WWP2: variants seen among roughly 807,000 people sequenced by gnomAD.
The protein encoded by WWP2 is WW domain containing E3 ubiquitin protein ligase 2.
In WWP2, 57 loss-of-function variants were observed where a neutral mutation model predicts 121.0. That is an observed-to-expected ratio of 0.47 (90% CI 0.38 to 0.59). WWP2 has a LOEUF of 0.59. Ranked by LOEUF, WWP2 falls within the 20% of genes least tolerant of loss-of-function variation. The pLI, the probability that WWP2 is intolerant of heterozygous loss-of-function variation, is 0.00. For synonymous variants in WWP2, 449 were observed against 441.3 expected, an observed-to-expected ratio of 1.02 and a Z score of -0.22; for missense variants, 962 against 1,158.9, an observed-to-expected ratio of 0.83 and a Z score of 2.47.
At position 69,941,517 on chromosome 16, in the gene WWP2, C is replaced by T. The variant is rs1238250458; in HGVS notation, c.*1577C>T. The T allele has an allele frequency of 1.3e-5, 2 of 153,908 alleles. No individual in the cohort carries two copies. Among genetic ancestry groups the T allele is most frequent in the Admixed American group, 6.5e-5 (1 of 15,286 alleles). The allele number at this position is 153,908 out of a possible 1,614,324, so 9.5% of individuals were successfully genotyped here. On this transcript the variant is annotated 3_prime_UTR_variant, in exon 24 of 24. Coordinates refer to ENST00000359154, the MANE Select transcript of WWP2 (RefSeq NM_001270454.2). ...CCCTGTGGCACGTTACCATGGAAGCCGCTCCAGGGTGGGTCAGGGTGCAAG... is the reference window on the plus strand; with the variant it reads ...CCCTGTGGCACGTTACCATGGAAGCTGCTCCAGGGTGGGTCAGGGTGCAAG...
intron 10 of WWP2, among the ~76,000 whole-genome samples, chr16:69,921,410 C>T (rs1323579886): frequency 6.6e-6 from 1 of 152,220 alleles, no homozygotes; most frequent in African/African-American, 2.4e-5. Flanking sequence ...CCTTGTTCTT[C>T]TTTGCTGCAC....
At chr16:69,911,529 A>C (rs948669997) in intron 9 of WWP2, among the ~76,000 whole-genome samples, 1 of 152,138 alleles carries the variant, frequency 6.6e-6, no homozygotes, top group Admixed American at 6.5e-5. Context: ...TGAAGTAAAG[A>C]AGTCCAAGTG....
At position 69,925,447 on chromosome 16, in the gene WWP2, T is replaced by A. The variant is rs2058626431; in HGVS notation, c.1197T>A (p.Thr399=). ...GTGTTTAGTCTTCGAGTGCTTCGAC[T>A]GACCATGATCCCCTGGGCCCCCTCC... is the stretch of plus-strand genomic sequence containing the variant. ...RFLYQSSSAS[T]DHDPLGPLPP... Residue 399 remains threonine (T), a synonymous_variant, in exon 11 of 24, where the codon ACT becomes ACA. Transcript: ENST00000359154. This position sits in a 1 kb window ranked among gnomAD's most constrained non-coding sequence, Gnocchi z 4.0. The A allele has an allele frequency of 6.2e-7, 1 of 1,614,040 alleles. No homozygotes were observed. The highest frequency in any genetic ancestry group is 1.7e-5 in the Admixed American group (1 of 60,004).
intron 8 of WWP2, among the ~76,000 whole-genome samples, chr16:69,899,754 A>G (rs958714236): frequency 6.9e-6 from 1 of 145,504 alleles, no homozygotes; most frequent in African/African-American, 2.5e-5. Context: ...AAAAAAAATC[A>G]AGTTGTGGTT....
intron 8 of WWP2, among the ~76,000 whole-genome samples, chr16:69,890,121 AT>A (rs57520353): frequency 0.1 from 13,954 of 132,996 alleles, 616 homozygotes; most frequent in South Asian, 0.23. Flanking sequence ...TGCCTGGATA[AT>A]TTTTTTTTTT....
intron 2 of WWP2, among the ~76,000 whole-genome samples, chr16:69,795,416 T>C (rs1451949801): frequency 6.6e-6 from 1 of 152,186 alleles, no homozygotes; most frequent in East Asian, 1.9e-4. Context: ...ATCATATCCT[T>C]ATTTGCACTA....
chr16:69,877,458 C>T (rs756989147), intron 7 of WWP2, among the ~76,000 whole-genome samples: 21 of 152,342 alleles, frequency 1.4e-4, no homozygotes, highest in Admixed American at 2.0e-4. Flanking sequence ...TACTCCCTAT[C>T]GCTTTCTCCC....
chr16:69,885,102 T>TACACACACACACACAC (rs3051438), intron 7 of WWP2, among the ~76,000 whole-genome samples: 22 of 140,046 alleles, frequency 1.6e-4, no homozygotes, highest in South Asian at 7.3e-4. Flanking sequence ...AAACTCCTCC[T>TACACACACACACACAC]ACACACACAC....
chr16:69,881,697 A>T (rs548313872), intron 7 of WWP2, among the ~76,000 whole-genome samples: 2 of 152,140 alleles, frequency 1.3e-5, no homozygotes, highest in African/African-American at 4.8e-5. Flanking sequence ...AATTTTTTAA[A>T]TTTTTTATTT....
chr16:69,767,790 C>G (rs1405679295), intron 1 of WWP2, among the ~76,000 whole-genome samples: 1 of 152,144 alleles, frequency 6.6e-6, no homozygotes, highest in African/African-American at 2.4e-5. Context: ...GCTTACTTAT[C>G]TTATTAGGAC....
At chr16:69,832,052 C>T (rs113831499) in intron 4 of WWP2, among the ~76,000 whole-genome samples, 5 of 152,114 alleles carry the variant, frequency 3.3e-5, no homozygotes, top group African/African-American at 1.2e-4. Flanking sequence ...GGGTCTCGAA[C>T]TCCTGAGCTC....
At chr16:69,866,724 C>G (rs1411208551) in intron 6 of WWP2, among the ~76,000 whole-genome samples, 1 of 152,112 alleles carries the variant, frequency 6.6e-6, no homozygotes, top group Non-Finnish European at 1.5e-5. Context: ...TTGCTTCTAC[C>G]TCTTGGCTAT....
At chr16:69,822,092 C>T (rs879744849) in intron 4 of WWP2, among the ~76,000 whole-genome samples, 2 of 152,110 alleles carry the variant, frequency 1.3e-5, no homozygotes, top group South Asian at 2.1e-4. Context: ...GTCTCAAACT[C>T]GTGGGCTCAA....
chr16:69,937,174 T>C lies in WWP2; in HGVS notation c.2174T>C (p.Leu725Pro), dbSNP rs918825576. The C allele has an allele frequency of 1.2e-6, 2 of 1,614,058 alleles. No individual in the cohort carries two copies. Among genetic ancestry groups the C allele is most frequent in the Non-Finnish European group, 1.7e-6 (2 of 1,179,998 alleles). ...RGVEEQTKAF[L>P]DGFNEVAPLE... ...GTGGAAGAGCAGACCAAAGCCTTCC[T>C]GGATGGCTTCAACGAGGTGGCCCCG... Residue 725 changes from leucine to proline, a missense_variant, in exon 20 of 24, where the codon CTG becomes CCG. By Grantham distance (98) the Leu-to-Pro change is moderately conservative. Around this residue, in one of 3 missense-constraint regions of WWP2, gnomAD observed 606 missense variants for 772.6 expected, o/e 0.78. Transcript: ENST00000359154. The surrounding 1 kb of genome is among the most constrained non-coding windows in gnomAD (Gnocchi z 6.6).
intron 6 of WWP2, among the ~76,000 whole-genome samples, chr16:69,846,070 A>AAAAAAAAAAAAAAAAAAAAAG (rs58504050): frequency 1.3e-5 from 2 of 149,652 alleles, no homozygotes; most frequent in African/African-American, 5.0e-5. Flanking sequence ...AAAAAAAAAA[A>AAAAAAAAAAAAAAAAAAAAAG]GAATACTTAT....
At chr16:69,928,422 C>T (rs745682729) in intron 11 of WWP2, among the ~76,000 whole-genome samples, 3 of 151,940 alleles carry the variant, frequency 2.0e-5, no homozygotes, top group Non-Finnish European at 4.4e-5. Flanking sequence ...CTCTCAAGGT[C>T]CAGAATCACC....
chr16:69,808,727 A>G (rs1413723597), intron 4 of WWP2, among the ~76,000 whole-genome samples: 1 of 152,134 alleles, frequency 6.6e-6, no homozygotes, highest in East Asian at 1.9e-4. Context: ...ATTTGGGTGT[A>G]GTGTTCTGTT....
chr16:69,810,631 C>G (rs539681785), intron 4 of WWP2, among the ~76,000 whole-genome samples: 39 of 151,952 alleles, frequency 2.6e-4, no homozygotes, highest in African/African-American at 9.2e-4. Flanking sequence ...TGGGGTTTCA[C>G]TGTGTTAGCC....
chr16:69,924,143 C>T (rs2058604400), intron 10 of WWP2, among the ~76,000 whole-genome samples: 2 of 152,240 alleles, frequency 1.3e-5, no homozygotes, highest in East Asian at 3.9e-4. Flanking sequence ...AAGACTTAAA[C>T]ATCTTTGTTG....
Sources: gnomAD v4.1 joint callset for allele counts (sites outside exome capture counted in the v4.1 genomes callset) on GRCh38, gnomAD v4.1.1 for gene constraint, gnomAD v4.1.1 regional missense constraint, Gnocchi (gnomAD v3.1) non-coding constraint, MANE v1.5 for transcripts, NCBI Gene and HGNC (gene_info 2026-07-23, HGNC 2026-07-21) for gene names.